SFI1: variants seen among roughly 807,000 people sequenced by gnomAD.
The protein encoded by SFI1 is SFI1 centrin binding protein, also known as protein SFI1 homolog.
A neutral mutation model predicts 207.5 loss-of-function variants in SFI1; 195 were observed. The observed-to-expected ratio is 0.94, with a 90% confidence interval of 0.84 to 1.06. The LOEUF (loss-of-function observed/expected upper bound fraction) is 1.06, where lower values mean the gene tolerates loss of function less well. Ranked by LOEUF, SFI1 falls within the 50% of genes least tolerant of loss-of-function variation. The pLI, the probability that SFI1 is intolerant of heterozygous loss-of-function variation, is 0.00. For missense variants in SFI1, 1,634 were observed against 1,588.0 expected (o/e 1.03, Z -0.49); for synonymous variants, 630 against 598.9 (o/e 1.05, Z -0.76).
At chr22:31,586,444 A>T (rs1002159401) in intron 14 of SFI1, among the ~76,000 whole-genome samples, 5 of 152,220 alleles carry the variant, frequency 3.3e-5, no homozygotes, top group Non-Finnish European at 7.3e-5. Context: ...CCAACAAATG[A>T]ACTGCTGTTG....
chr22:31,567,362 G>T (rs1464513169), intron 8 of SFI1, among the ~76,000 whole-genome samples: 1 of 152,144 alleles, frequency 6.6e-6, no homozygotes, highest in African/African-American at 2.4e-5. Context: ...TGAGGTAACA[G>T]GGAGCCAGAA....
At chr22:31,535,828 A>G (rs900386220) in intron 4 of SFI1, among the ~76,000 whole-genome samples, 1 of 151,982 alleles carries the variant, frequency 6.6e-6, no homozygotes, top group Non-Finnish European at 1.5e-5. Context: ...CCTTGAACTC[A>G]TGGGCTCAAT....
At chr22:31,550,397 C>A in intron 6 of SFI1, 49 bp downstream of exon 6, 3 of 1,452,086 alleles carry the variant, frequency 2.1e-6, no homozygotes, top group Non-Finnish European at 1.9e-6. Context: ...ATTTACTTTG[C>A]AGAAGGTCAT....
chr22:31,603,159 G>A (rs915560434), intron 17 of SFI1, among the ~76,000 whole-genome samples: 13 of 152,198 alleles, frequency 8.5e-5, no homozygotes, highest in Non-Finnish European at 1.9e-4. Flanking sequence ...CATGAACCCG[G>A]GAAGTGAAGG....
In SFI1 at chr22:31,617,034, C is replaced by T; in HGVS notation, c.3468C>T (p.Ile1156=). ...SLDLEAELEE[I]QQQLLHYQTT... ...ACCTTGAGGCTGAACTTGAGGAGAT[C>T]CAGCAGCAACTACTGCACTACCAGA... Residue 1156 remains isoleucine (I), a synonymous_variant, in exon 31 of 33, where the codon ATC becomes ATT. Transcript: ENST00000400288. 2 of 1,614,064 alleles carry T rather than the reference C, an allele frequency of 1.2e-6. No homozygotes were observed. The highest frequency in any genetic ancestry group is 1.7e-5 in the Admixed American group (1 of 60,006).
intron 6 of SFI1, among the ~76,000 whole-genome samples, chr22:31,555,744 T>C (rs2061098451): frequency 6.6e-6 from 1 of 152,182 alleles, no homozygotes; most frequent in Non-Finnish European, 1.5e-5. Flanking sequence ...TGGCTTGTCT[T>C]ACTCAGGATC....
intron 4 of SFI1, among the ~76,000 whole-genome samples, chr22:31,536,921 T>C (rs1459922376): frequency 1.3e-5 from 2 of 152,022 alleles, no homozygotes; most frequent in Non-Finnish European, 2.9e-5. Flanking sequence ...AATTAACTTT[T>C]TTTTTACCTT....
At chr22:31,603,257 A>G (rs1437120423) in intron 17 of SFI1, among the ~76,000 whole-genome samples, 1 of 152,206 alleles carries the variant, frequency 6.6e-6, no homozygotes, top group Non-Finnish European at 1.5e-5. Flanking sequence ...GACCATAGCC[A>G]GGGAATAAAC....
chr22:31,606,693 CTTTTTT>C (rs10524692), intron 21 of SFI1: 58 of 115,450 alleles, frequency 5.0e-4, no homozygotes, highest in East Asian at 1.2e-3. Context: ...TTCTTTTTTT[CTTTTTT>C]TTTTTTTTTT....
chr22:31,521,080 A>C (rs2057187719), intron 2 of SFI1: 1 of 152,450 alleles, frequency 6.6e-6, no homozygotes, highest in Non-Finnish European at 1.5e-5. Context: ...TTTACTAAAA[A>C]AATTTTTAAA....
chr22:31,544,407 A>T (rs749907756), intron 4 of SFI1, among the ~76,000 whole-genome samples: 65 of 149,848 alleles, frequency 4.3e-4, no homozygotes, highest in Admixed American at 8.8e-4. Flanking sequence ...TAAATAAGAC[A>T]TTACTACTTT....
intron 2 of SFI1, among the ~76,000 whole-genome samples, chr22:31,528,318 G>T (rs890556630): frequency 3.9e-5 from 6 of 151,946 alleles, no homozygotes; most frequent in African/African-American, 1.5e-4. Flanking sequence ...TAGTTGCTTG[G>T]GAGGCTGAGA....
intron 12 of SFI1, among the ~76,000 whole-genome samples, chr22:31,580,762 C>G (rs1214341679): frequency 1.3e-5 from 2 of 151,942 alleles, no homozygotes; most frequent in African/African-American, 2.4e-5. Flanking sequence ...AGGCTTGTCT[C>G]GAACTCCTGA....
At chr22:31,566,501 T>C (rs1348854125) in intron 8 of SFI1, among the ~76,000 whole-genome samples, 1 of 152,238 alleles carries the variant, frequency 6.6e-6, no homozygotes, top group Non-Finnish European at 1.5e-5. Context: ...TACGATTTGA[T>C]GAAGCAGTAA....
intron 8 of SFI1, among the ~76,000 whole-genome samples, chr22:31,565,609 G>A (rs2075074686): frequency 6.6e-6 from 1 of 152,078 alleles, no homozygotes; most frequent in South Asian, 2.1e-4. Context: ...TTAGGTTGGA[G>A]GATCACTTGA....
chr22:31,523,626 G>A (rs1208068334), intron 2 of SFI1, among the ~76,000 whole-genome samples: 5 of 151,934 alleles, frequency 3.3e-5, no homozygotes. Flanking sequence ...CATTTACAGG[G>A]GAGGATACTG....
chr22:31,508,299 C>A lies in SFI1; in HGVS notation c.15C>A (p.Leu5=). The A allele has an allele frequency of 6.2e-7, 1 of 1,611,012 alleles. No individual in the cohort carries two copies. The highest frequency in any genetic ancestry group is 1.1e-5 in the South Asian group (1 of 90,978). Residue 5 remains leucine (L), a synonymous_variant, in exon 2 of 33, where the codon CTC becomes CTA. Transcript: ENST00000400288. The part of the protein sequence containing the change: MKNL[L]TEKCISSHNF... ...GACTTTGATTCATGAAGAATCTGCT[C>A]ACTGAGAAGTGTATATCAAGCCACA...
At chr22:31,499,190 A>G (rs1260865790) in intron 1 of SFI1, among the ~76,000 whole-genome samples, 1 of 150,568 alleles carries the variant, frequency 6.6e-6, no homozygotes, top group East Asian at 2.0e-4. Context: ...TTTTGAGATG[A>G]GGGTCTTGTT....
chr22:31,543,476 T>G (rs1402112070), intron 4 of SFI1, among the ~76,000 whole-genome samples: 4 of 152,090 alleles, frequency 2.6e-5, no homozygotes, highest in Non-Finnish European at 5.9e-5. Context: ...AATAGTGAGG[T>G]GAATTACCTT....
Sources: allele counts gnomAD v4.1 joint callset (sites outside exome capture counted in the v4.1 genomes callset), GRCh38; gene constraint gnomAD v4.1.1; transcripts MANE v1.5; gene names NCBI Gene and HGNC (gene_info 2026-07-23, HGNC 2026-07-21).